The following CPEB2 variants were observed in gnomAD, a reference collection of about 807,000 sequenced individuals.
CPEB2 encodes the protein cytoplasmic polyadenylation element binding protein 2.
Under a neutral mutation model 93.6 loss-of-function variants are expected in CPEB2, and 56 were observed. That is an observed-to-expected ratio of 0.60 (90% confidence interval 0.48 to 0.75). CPEB2 has a LOEUF of 0.75. Ranked by LOEUF, CPEB2 falls within the 30% of genes least tolerant of loss-of-function variation. The pLI, the probability that CPEB2 is intolerant of heterozygous loss-of-function variation, is 0.00. For missense variants in CPEB2, 1,579 were observed against 1,395.1 expected (o/e 1.13, Z -2.10); for synonymous variants, 764 against 586.3 (o/e 1.30, Z -4.38).
At chr4:15,012,701 T>C (rs1723647076) in intron 3 of CPEB2, among the ~76,000 whole-genome samples, 2 of 152,154 alleles carry the variant, frequency 1.3e-5, no homozygotes. Flanking sequence ...ACTACATTGC[T>C]TTATTTTAAA....
intron 4 of CPEB2, 148 bp from the exon 5 acceptor site, chr4:15,033,013 T>G (rs1223458251): frequency 2.0e-5 from 11 of 555,924 alleles, no homozygotes; most frequent in Non-Finnish European, 1.2e-5. Context: ...ATACTTTTAG[T>G]TGAACATAAG....
Position 15,021,549 on chromosome 4 carries a change from A to G in CPEB2, c.2125+4271A>G, listed in dbSNP as rs1458966985. On this transcript the variant is annotated intron_variant, in intron 4 of 11. Transcript: ENST00000538197. ...ATTTTTGCCAGAAATTGCTTGTATCATTTCCCAAAGTATAGGGACAAACAG... is the reference window on the plus strand; with the variant it reads ...ATTTTTGCCAGAAATTGCTTGTATCGTTTCCCAAAGTATAGGGACAAACAG... 3.9e-5 allele frequency among the ~76,000 whole-genome samples: 6 copies of G among 152,218 alleles called. No homozygotes were observed. In the South Asian group the frequency reaches 1.2e-3, roughly 32 times the overall value.
At chr4:15,038,910 T>G (rs1254312473) in intron 5 of CPEB2, among the ~76,000 whole-genome samples, 1 of 152,158 alleles carries the variant, frequency 6.6e-6, no homozygotes, top group African/African-American at 2.4e-5. Context: ...TCTTGATCAC[T>G]CTATTAAAAT....
chr4:15,041,620 C>G (rs1395820756), intron 6 of CPEB2, among the ~76,000 whole-genome samples: 3 of 152,092 alleles, frequency 2.0e-5, no homozygotes, highest in African/African-American at 7.2e-5. Flanking sequence ...CCCGTCTGGT[C>G]TTGAATTCCT....
chr4:15,020,590 T>C (rs1010734786), intron 4 of CPEB2, among the ~76,000 whole-genome samples: 10 of 152,140 alleles, frequency 6.6e-5, no homozygotes, highest in African/African-American at 2.4e-4. Flanking sequence ...CTCCATTGTT[T>C]AATGTTAATA....
chr4:15,066,569 A>C lies in CPEB2; in HGVS notation c.*189A>C. ...GTTTTTCACCAAAACCCTACATCTC[A>C]GGCTTACTAATTTTTGTGATATTTT... On this transcript the variant is annotated 3_prime_UTR_variant, in exon 12 of 12. Coordinates refer to ENST00000538197, the MANE Select transcript of CPEB2 (RefSeq NM_001177382.2). The C allele has an allele frequency of 1.9e-6, 1 of 535,350 alleles. No homozygotes were observed. The highest frequency in any genetic ancestry group is 3.3e-6 in the Non-Finnish European group (1 of 302,862). The allele number at this position is 535,350 out of a possible 1,614,324, so 33.2% of individuals were successfully genotyped here.
rs925953414 is a variant in CPEB2 at position 15,036,863 on chromosome 4, G to A, written c.2177-3601G>A. ...TCATTTAATTAAGAAAATTAAGTCAGTAATTGTATTTCTGAAGGCAGATGC... is the reference window on the plus strand; with the variant it reads ...TCATTTAATTAAGAAAATTAAGTCAATAATTGTATTTCTGAAGGCAGATGC... On this transcript the variant is annotated intron_variant, in intron 5 of 11. Coordinates refer to ENST00000538197, the MANE Select transcript of CPEB2 (RefSeq NM_001177382.2). Among the ~76,000 whole-genome samples the A allele has an allele frequency of 1.1e-4, 16 of 152,266 alleles. No homozygotes were observed. In the Middle Eastern group the frequency reaches 0.014, roughly 129 times the overall value.
chr4:15,038,438 A>C (rs1399089121), intron 5 of CPEB2, among the ~76,000 whole-genome samples: 1 of 152,184 alleles, frequency 6.6e-6, no homozygotes, highest in Non-Finnish European at 1.5e-5. Flanking sequence ...CTATGAATGA[A>C]ATTTTCCAGA....
intron 11 of CPEB2, among the ~76,000 whole-genome samples, chr4:15,062,820 T>C (rs1375506203): frequency 6.6e-6 from 1 of 152,056 alleles, no homozygotes; most frequent in East Asian, 1.9e-4. Flanking sequence ...AAACTTAAAA[T>C]TTTTTTAGTA....
chr4:15,026,281 C>T lies in CPEB2; in HGVS notation c.2126-6880C>T, dbSNP rs1371441787. On this transcript the variant is annotated intron_variant, in intron 4 of 11. Coordinates refer to ENST00000538197, the MANE Select transcript of CPEB2 (RefSeq NM_001177382.2). ...TTGCTCTGTCACCCAGGCTGGAGTGCAGTGGCGTGATCTTGGCTCACTGCA... is the reference window on the plus strand; with the variant it reads ...TTGCTCTGTCACCCAGGCTGGAGTGTAGTGGCGTGATCTTGGCTCACTGCA... Among the ~76,000 whole-genome samples the T allele has an allele frequency of 2.6e-5, 4 of 151,326 alleles. No individual in the cohort carries two copies. In the East Asian group the frequency reaches 7.8e-4, roughly 29 times the overall value.
intron 7 of CPEB2, 143 bp from the exon 8 acceptor site, chr4:15,053,985 G>T: frequency 1.8e-6 from 1 of 547,372 alleles, no homozygotes; most frequent in Non-Finnish European, 3.2e-6. Context: ...AAGTATATTA[G>T]ACATATTCCC....
At chr4:15,039,853 TAGAA>T (rs1727001064) in intron 5 of CPEB2, among the ~76,000 whole-genome samples, 1 of 152,166 alleles carries the variant, frequency 6.6e-6, no homozygotes, top group African/African-American at 2.4e-5. Flanking sequence ...ATTAAAGTGA[TAGAA>T]AGCATTATTA....
chr4:15,008,332 T>C lies in CPEB2; in HGVS notation c.1945-6T>C. ...ATTTCTGATGAAAACTTCTATGCTA[T>C]TGAAGGTGAGATCTAGTTTGCAGTT... On this transcript the variant is annotated splice_polypyrimidine_tract_variant and splice_region_variant and intron_variant, in intron 2 of 11. Transcript: ENST00000538197. 1 of 1,609,268 alleles carries C rather than the reference T, an allele frequency of 6.2e-7. No homozygotes were observed. The highest frequency in any genetic ancestry group is 1.3e-5 in the African/African-American group (1 of 74,940).
intron 6 of CPEB2, among the ~76,000 whole-genome samples, chr4:15,042,527 A>G (rs1199097911): frequency 6.6e-6 from 1 of 152,204 alleles, no homozygotes; most frequent in Non-Finnish European, 1.5e-5. Context: ...GATGGTTGGC[A>G]TACATATTTG....
At chr4:15,065,211 A>C (rs962630811) in intron 11 of CPEB2, among the ~76,000 whole-genome samples, 1 of 152,066 alleles carries the variant, frequency 6.6e-6, no homozygotes, top group Non-Finnish European at 1.5e-5. Context: ...TCATGCAAGT[A>C]TTTCAGTAGA....
At chr4:15,030,852 A>G (rs552391557) in intron 4 of CPEB2, among the ~76,000 whole-genome samples, 2 of 152,246 alleles carry the variant, frequency 1.3e-5, no homozygotes, top group East Asian at 3.9e-4. Flanking sequence ...ATTCAGAGCC[A>G]TAATATCAAA....
intron 10 of CPEB2, 126 bp downstream of exon 10, chr4:15,059,427 C>A: frequency 2.0e-6 from 1 of 495,630 alleles, no homozygotes; most frequent in Non-Finnish European, 3.5e-6. Flanking sequence ...ATTCTGCATG[C>A]ACCAATTGCT....
rs761081575 is a variant in CPEB2, at chr4:15,007,604, A to G, written c.1944+18A>G. On this transcript the variant is annotated intron_variant, in intron 2 of 11. Transcript: ENST00000538197. ...CCTTACAGGTAAGAATGGTATGTAAATGACCTTATCTCTAATGTTAATCTT... is the reference window on the plus strand; with the variant it reads ...CCTTACAGGTAAGAATGGTATGTAAGTGACCTTATCTCTAATGTTAATCTT... 4.0e-6 allele frequency: 6 copies of G among 1,497,780 alleles called. No individual in the cohort carries two copies. Among genetic ancestry groups the G allele is most frequent in the Non-Finnish European group, 5.4e-6 (6 of 1,105,962 alleles). 92.8% of individuals were successfully genotyped at this position (1,497,780 alleles called of 1,614,324 possible). A position where few individuals can be genotyped will look rare whatever the true frequency, so the allele number is the denominator to read the frequency against.
Position 15,004,061 on chromosome 4 carries a change from C to G in CPEB2, c.1388C>G (p.Pro463Arg). Residue 463 changes from proline (P) to arginine (R), a missense_variant, in exon 1 of 12, where the codon CCT (proline) becomes CGT (arginine). Pro to Arg is a moderately radical substitution (Grantham distance 103, BLOSUM62 -2). Around this residue, in one of 2 missense-constraint regions of CPEB2, gnomAD observed 1,411 missense variants for 1,056.0 expected, o/e 1.34. Coordinates refer to ENST00000538197, the MANE Select transcript of CPEB2 (RefSeq NM_001177382.2). ...TCGTCCATGAACCCGGCCTTCTTCC[C>G]TAGCTTCTCGCCCGTGTCGCCGCAC... The part of the protein sequence containing the change: ...LPSSMNPAFF[P>R]SFSPVSPHGC... 3 of 1,567,700 alleles carry G rather than the reference C, an allele frequency of 1.9e-6. No individual in the cohort carries two copies. Among genetic ancestry groups the G allele is most frequent in the Non-Finnish European group, 2.6e-6 (3 of 1,159,718 alleles).
Sources: allele counts gnomAD v4.1 joint callset (sites outside exome capture counted in the v4.1 genomes callset), GRCh38; gene constraint gnomAD v4.1.1; regional missense constraint gnomAD v4.1.1; transcripts MANE v1.5; gene names NCBI Gene and HGNC (gene_info 2026-07-23, HGNC 2026-07-21).